The following PER3 variants were observed in gnomAD, a reference collection of about 807,000 sequenced individuals.
PER3 encodes the protein period circadian regulator 3.
In PER3, 107 loss-of-function variants were observed where a neutral mutation model predicts 127.2. The ratio of observed to expected loss-of-function variants is 0.84; its 90% CI spans 0.72 to 0.99. The LOEUF (loss-of-function observed/expected upper bound fraction) is 0.99. PER3 is among the 50% of genes least tolerant of loss of function. The probability of loss-of-function intolerance (pLI) is 0.00; values close to 1 mark genes in which losing one functional copy is unlikely to be tolerated. For synonymous variants in PER3, 618 were observed against 585.8 expected (o/e 1.05, Z -0.79); for missense variants, 1,560 against 1,525.8 (o/e 1.02, Z -0.37).
At position 7,826,790 on chromosome 1, in the gene PER3, T is replaced by A; in HGVS notation, c.2188+80T>A. On this transcript the variant is annotated intron_variant, in intron 17 of 21. Coordinates refer to ENST00000377532, the MANE Select transcript of PER3 (RefSeq NM_001377275.1). This position sits in a 1 kb window ranked among gnomAD's most constrained non-coding sequence, Gnocchi z 4.2. ...TATCTAAGGACTAGGAGATAAGGAGTGAACAATAGGAGTTTTACTTGTAAG... is the reference window on the plus strand; with the variant it reads ...TATCTAAGGACTAGGAGATAAGGAGAGAACAATAGGAGTTTTACTTGTAAG... The A allele has an allele frequency of 1.2e-6, 1 of 825,436 alleles. No individual in the cohort carries two copies. The highest frequency in any genetic ancestry group is 2.1e-5 in the Admixed American group (1 of 47,114). The allele number at this position is 825,436 out of a possible 1,614,324, so 51.1% of individuals were successfully genotyped here. A position where few individuals can be genotyped will look rare whatever the true frequency, so the allele number is the denominator to read the frequency against.
At position 7,806,812 on chromosome 1, in the gene PER3, A is replaced by AAATAT. The variant is rs61141023; in HGVS notation, c.1137-2080_1137-2079insATATA. Among the ~76,000 whole-genome samples the AAATAT allele has an allele frequency of 6.0e-3, 365 of 60,614 alleles. 8 individuals carry two copies. The highest frequency in any genetic ancestry group is 0.016 in the African/African-American group (229 of 14,662). The allele number at this position is 60,614 out of a possible 152,430, so 39.8% of individuals were successfully genotyped here. On this transcript the variant is annotated intron_variant, in intron 10 of 21. Transcript: ENST00000377532. ...CTGTCTCTTAAAAAAAAAAAAAAAA[A>AAATAT]ATATATATATATATATATATATATT...
rs763034189 is a variant in PER3 at position 7,837,031 on chromosome 1, A to G, written c.3431A>G (p.Glu1144Gly). Residue 1144 changes from glutamate to glycine, a missense_variant, in exon 21 of 22, where the codon GAA (glutamate) becomes GGA (glycine). By Grantham distance (98) the Glu-to-Gly change is moderately conservative (BLOSUM62 -2). Transcript: ENST00000377532. The stretch of plus-strand genomic sequence containing the variant: ...GAAGTTGTACTAAAAGAAGACCTGG[A>G]AAAGCTAGAAAGTATGAGGCAGCAG... ...VKEVVLKEDL[E>G]KLESMRQQQP... is the part of the protein sequence containing the mutation. 6.2e-7 allele frequency: 1 copy of G among 1,613,828 alleles called. No homozygotes were observed. The highest frequency in any genetic ancestry group is 2.2e-5 in the East Asian group (1 of 44,878).
At position 7,829,968 on chromosome 1, in the gene PER3, GAATCCATCCCATCCTACT is replaced by G. The variant is rs766911952; in HGVS notation, c.3022_3039del (p.Asn1008_Thr1013del). 18 of 1,400,432 alleles carry G rather than the reference GAATCCATCCCATCCTACT, an allele frequency of 1.3e-5. No homozygotes were observed. Among genetic ancestry groups the G allele is most frequent in the Non-Finnish European group, 1.8e-5 (18 of 995,806 alleles). 86.8% of individuals were successfully genotyped at this position (1,400,432 alleles called of 1,614,324 possible). A position where few individuals can be genotyped will look rare whatever the true frequency, so the allele number is the denominator to read the frequency against. ...TGTCCACAGGATCGCCTCCCATGAA[GAATCCATCCCATCCTACT>G]GCCAGCGCTCTGTCCACAGGATCGC... On this transcript the variant is annotated inframe_deletion, in exon 19 of 22. Transcript: ENST00000377532.
chr1:7,786,293 C>G (rs996143935), intron 3 of PER3, among the ~76,000 whole-genome samples: 1 of 152,148 alleles, frequency 6.6e-6, no homozygotes, highest in South Asian at 2.1e-4. Flanking sequence ...AATGATATAT[C>G]AGGAATTTAC....
At position 7,820,192 on chromosome 1, in the gene PER3, A is replaced by C. The variant is rs750661363; in HGVS notation, c.1736A>C (p.Glu579Ala). The C allele has an allele frequency of 6.2e-6, 10 of 1,613,964 alleles. No homozygotes were observed. The highest frequency in any genetic ancestry group is 6.8e-6 in the Non-Finnish European group (8 of 1,179,834). Residue 579 changes from glutamate to alanine, a missense_variant, in exon 15 of 22, where the codon GAA becomes GCA. Physicochemically the swap from Glu to Ala is moderately radical, Grantham distance 107. Coordinates refer to ENST00000377532, the MANE Select transcript of PER3 (RefSeq NM_001377275.1). Reference sequence around the variant, plus strand: ...ACAAATACAACTTCTTCCTCCTCAGAAGAAGACAAACAGAACCACAAGGCA... The same window carrying C: ...ACAAATACAACTTCTTCCTCCTCAGCAGAAGACAAACAGAACCACAAGGCA... ...SCTNTTSSSS[E>A]EDKQNHKADD...
In PER3 at chr1:7,835,943, G is replaced by C. The variant is rs371822849; in HGVS notation, c.3396G>C (p.Glu1132Asp). The change falls in exon 20 of 22, where the codon GAG becomes GAC. Residue 1132 changes from glutamate (E) to aspartate (D), a missense_variant and splice_region_variant. By Grantham distance (45) the Glu-to-Asp change is conservative. Around this residue, in one of 3 missense-constraint regions of PER3, gnomAD observed 199 missense variants for 198.6 expected, o/e 1.00. Coordinates refer to ENST00000377532, the MANE Select transcript of PER3 (RefSeq NM_001377275.1). ...ERILMTYQVP[E>D]RVKEVVLKED... ...TTCTCATGACATACCAGGTACCTGA[G>C]AGGTAAGAAAGCACTTTAGAAAACC... The C allele has an allele frequency of 4.1e-5, 65 of 1,580,600 alleles. No individual in the cohort carries two copies. Among genetic ancestry groups the C allele is most frequent in the Non-Finnish European group, 4.8e-5 (56 of 1,158,604 alleles).
chr1:7,803,844 C>T lies in PER3; in HGVS notation c.1132C>T (p.Arg378Ter), dbSNP rs759532418. 25 of 1,611,414 alleles carry T rather than the reference C, an allele frequency of 1.6e-5. No individual in the cohort carries two copies. The highest frequency in any genetic ancestry group is 1.7e-5 in the Non-Finnish European group (20 of 1,178,726). Residue 378 changes from arginine (R) to a stop codon, truncating the protein, a stop_gained, in exon 10 of 22, where the codon CGA (arginine) becomes TGA (stop). Transcript: ENST00000377532. LOFTEE classifies it high-confidence loss of function. The stretch of plus-strand genomic sequence containing the variant: ...TTTCATCATTGGTCGGCATAAAGTT[C>T]GAACGTAAGCCAGTCAGTTTTCATA... ...ISFIIGRHKVRTSPLNEDVFA... is the reference protein window; with the variant it reads ...ISFIIGRHKV
rs1362450708 is a variant in PER3 at position 7,827,616 on chromosome 1, G to A, written c.2687G>A (p.Ser896Asn). Residue 896 changes from serine to asparagine, a missense_variant, in exon 18 of 22, where the codon AGT (serine) becomes AAT (asparagine). Physicochemically the swap from Ser to Asn is conservative, Grantham distance 46. This residue lies in a region of PER3 where 1,332 missense variants were observed against 1,223.6 expected (regional missense o/e 1.09). Transcript: ENST00000377532. ...AISPSMSSAM[S>N]PTLDPPPSVT... is the part of the protein sequence containing the mutation. ...TCACCCTCAATGTCGTCAGCAATGA[G>A]TCCAACTCTGGACCCACCCCCTTCA... 1.2e-6 allele frequency: 2 copies of A among 1,614,216 alleles called. No homozygotes were observed. The highest frequency in any genetic ancestry group is 1.7e-6 in the Non-Finnish European group (2 of 1,180,038).
chr1:7,826,560 G>T lies in PER3; in HGVS notation c.2038G>T (p.Val680Leu). The T allele has an allele frequency of 1.2e-6, 2 of 1,613,798 alleles. No individual in the cohort carries two copies. Among genetic ancestry groups the T allele is most frequent in the South Asian group, 1.1e-5 (1 of 91,068 alleles). ...APLTSEEFKH[V>L]GLTAAVLSAH... ...TTTGACCTCGGAAGAATTTAAACAC[G>T]TGGGGCTCACAGCGGCTGTTCTGTC... Residue 680 changes from valine (V) to leucine (L), a missense_variant, in exon 17 of 22, where the codon GTG becomes TTG. By Grantham distance (32) the Val-to-Leu change is conservative. Transcript: ENST00000377532. The surrounding 1 kb of genome is among the most constrained non-coding windows in gnomAD (Gnocchi z 4.2).
chr1:7,785,551 T>C lies in PER3; in HGVS notation c.239T>C (p.Leu80Pro). ...RRNKPSTLDALNYALRCVHSV... is the reference protein window; with the variant it reads ...RRNKPSTLDAPNYALRCVHSV... ...AATAAACCAAGCACTCTAGATGCCC[T>C]CAACTATGCTCTCCGCTGTGTCCAC... The change falls in exon 3 of 22, where the codon CTC becomes CCC. Residue 80 changes from leucine to proline, a missense_variant. Coordinates refer to ENST00000377532, the MANE Select transcript of PER3 (RefSeq NM_001377275.1). 6.2e-7 allele frequency: 1 copy of C among 1,613,772 alleles called. No homozygotes were observed. Among genetic ancestry groups the C allele is most frequent in the East Asian group, 2.2e-5 (1 of 44,884 alleles).
chr1:7,797,923 C>A (rs1456511188), intron 6 of PER3, among the ~76,000 whole-genome samples: 6 of 152,282 alleles, frequency 3.9e-5, no homozygotes, highest in African/African-American at 1.4e-4. Context: ...CCGAGAGGTT[C>A]TTTGTGAGGA....
rs1484469784 is a variant in PER3, at chr1:7,835,764, A to G, written c.3217A>G (p.Ser1073Gly). 1 of 1,599,234 alleles carries G rather than the reference A, an allele frequency of 6.3e-7. No individual in the cohort carries two copies. The highest frequency in any genetic ancestry group is 2.2e-5 in the East Asian group (1 of 44,720). Residue 1073 changes from serine (S) to glycine (G), a missense_variant and splice_region_variant, in exon 20 of 22, where the codon AGC becomes GGC. Ser to Gly is a moderately conservative substitution (Grantham distance 56). Coordinates refer to ENST00000377532, the MANE Select transcript of PER3 (RefSeq NM_001377275.1). ...PSRTGSAASG[S>G]SDSSIYLTSS... Reference sequence around the variant, plus strand: ...TATGTGTTGTTGATTTTTGACAGGAAGCAGCGACAGCAGTATATACCTTAC... The same window carrying G: ...TATGTGTTGTTGATTTTTGACAGGAGGCAGCGACAGCAGTATATACCTTAC...
intron 18 of PER3, 76 bp from the exon 19 acceptor site, chr1:7,829,758 A>T: frequency 7.9e-7 from 1 of 1,264,372 alleles, no homozygotes; most frequent in Non-Finnish European, 1.1e-6. Context: ...AGAAAGCAAA[A>T]CCATGAATAA....
intron 13 of PER3, among the ~76,000 whole-genome samples, chr1:7,817,550 G>A (rs1362594187): frequency 9.2e-5 from 14 of 152,192 alleles, no homozygotes; most frequent in Admixed American, 9.2e-4. Flanking sequence ...TACTAGGGTT[G>A]AACAAATTGT....
At chr1:7,812,231 A>C (rs888569663) in intron 13 of PER3, among the ~76,000 whole-genome samples, 1 of 151,490 alleles carries the variant, frequency 6.6e-6, no homozygotes, top group African/African-American at 2.4e-5. Flanking sequence ...TCAGTTTCTT[A>C]TCATCGACCA....
At chr1:7,797,653 GA>G (rs1198864632) in intron 6 of PER3, among the ~76,000 whole-genome samples, 12 of 146,498 alleles carry the variant, frequency 8.2e-5, no homozygotes, top group South Asian at 6.5e-4. Context: ...AAAAAAAAAA[GA>G]AAAAAAAGTG....
intron 6 of PER3, 87 bp from the exon 7 acceptor site, chr1:7,798,438 T>A (rs1577690791): frequency 1.9e-6 from 2 of 1,027,572 alleles, no homozygotes; most frequent in East Asian, 4.9e-5. Flanking sequence ...TCTTGGAAAT[T>A]ACCAATAAAA....
At chr1:7,790,886 C>T (rs922639504) in intron 5 of PER3, among the ~76,000 whole-genome samples, 2 of 152,260 alleles carry the variant, frequency 1.3e-5, no homozygotes, top group African/African-American at 2.4e-5. Context: ...TCTCCTTTGA[C>T]TCCATGTCTC....
intron 17 of PER3, 48 bp from the exon 18 acceptor site, chr1:7,827,070 T>C: frequency 1.4e-6 from 2 of 1,429,146 alleles, no homozygotes; most frequent in Non-Finnish European, 1.9e-6. Flanking sequence ...CCTTCTCTTC[T>C]TTTTGGGTTT....
Sources: allele counts gnomAD v4.1 joint callset (sites outside exome capture counted in the v4.1 genomes callset), GRCh38; gene constraint gnomAD v4.1.1; regional missense constraint gnomAD v4.1.1; non-coding constraint Gnocchi (gnomAD v3.1); transcripts MANE v1.5; gene names NCBI Gene and HGNC (gene_info 2026-07-23, HGNC 2026-07-21).